Variants in KLHL1 observed in about 807,000 individuals in gnomAD.
KLHL1 encodes kelch like family member 1, also known as kelch-like protein 1.
KLHL1 carries 47 observed loss-of-function variants against 77.7 expected under a neutral mutation model. The ratio of observed to expected loss-of-function variants is 0.60; its 90% CI spans 0.48 to 0.77. KLHL1 has a LOEUF of 0.77. Ranked by LOEUF, KLHL1 falls within the 30% of genes least tolerant of loss-of-function variation. The pLI is 0.00. For synonymous variants in KLHL1, 360 were observed against 325.2 expected (o/e 1.11, Z -1.15); for missense variants, 925 against 910.8 (o/e 1.02, Z -0.20).
intron 6 of KLHL1, among the ~76,000 whole-genome samples, chr13:69,820,990 T>C (rs1878311746): frequency 6.6e-6 from 1 of 152,214 alleles, no homozygotes; most frequent in Non-Finnish European, 1.5e-5. Flanking sequence ...TGTTTCTTTC[T>C]TGCAACCACG....
chr13:69,980,892 C>A (rs866190444), intron 1 of KLHL1, among the ~76,000 whole-genome samples: 12 of 152,196 alleles, frequency 7.9e-5, no homozygotes, highest in African/African-American at 2.6e-4. Context: ...TAAATATATT[C>A]TATGACAAGA....
At chr13:69,744,757 T>G (rs964313855) in intron 7 of KLHL1, among the ~76,000 whole-genome samples, 3 of 151,930 alleles carry the variant, frequency 2.0e-5, no homozygotes, top group Non-Finnish European at 4.4e-5. Flanking sequence ...ATTTAAAAAA[T>G]TATTTAAAGT....
At position 70,108,159 on chromosome 13, in the gene KLHL1, G is replaced by T. The variant is rs1888123911; in HGVS notation, c.-460C>A. 1 of 400,738 alleles carries T rather than the reference G, an allele frequency of 2.5e-6. No homozygotes were observed. Among genetic ancestry groups the T allele is most frequent in the East Asian group, 3.6e-5 (1 of 27,988 alleles). 24.8% of individuals were successfully genotyped at this position (400,738 alleles called of 1,614,324 possible). ...TAGTAGGGAAGGTGGTGGCGTTCTT[G>T]TCCTTGCAGCTCAGAGTTCAGTGTC... On this transcript the variant is annotated 5_prime_UTR_variant, in exon 1 of 11. Coordinates refer to ENST00000377844, the MANE Select transcript of KLHL1 (RefSeq NM_020866.3).
chr13:69,781,731 CTGAT>C (rs1347805100), intron 7 of KLHL1, among the ~76,000 whole-genome samples: 1 of 152,024 alleles, frequency 6.6e-6, no homozygotes, highest in Admixed American at 6.5e-5. Flanking sequence ...CATTGTTTTT[CTGAT>C]TGATTGCTTT....
intron 4 of KLHL1, among the ~76,000 whole-genome samples, chr13:69,938,674 ATTTG>A (rs1883257196): frequency 6.6e-6 from 1 of 152,062 alleles, no homozygotes; most frequent in Non-Finnish European, 1.5e-5. Flanking sequence ...TTGATGAATT[ATTTG>A]TTTACTTTGA....
Position 70,107,275 on chromosome 13 carries a change from C to A in KLHL1, c.425G>T (p.Gly142Val). ...GMDFPGPHEK[G>V]LVLQELKVEP... is the part of the protein sequence containing the mutation. The stretch of plus-strand genomic sequence containing the variant: ...CACTTTGAGCTCTTGCAGAACCAGC[C>A]CTTTTTCGTGTGGTCCAGGAAAGTC... Residue 142 changes from glycine to valine, a missense_variant, in exon 1 of 11, where the codon GGG becomes GTG. By Grantham distance (109) the Gly-to-Val change is moderately radical. Transcript: ENST00000377844. 1 of 1,614,094 alleles carries A rather than the reference C, an allele frequency of 6.2e-7. No homozygotes were observed. Among genetic ancestry groups the A allele is most frequent in the Non-Finnish European group, 8.5e-7 (1 of 1,180,010 alleles).
At chr13:69,722,547 T>A (rs1487072787) in intron 8 of KLHL1, among the ~76,000 whole-genome samples, 2 of 151,814 alleles carry the variant, frequency 1.3e-5, no homozygotes, top group African/African-American at 4.8e-5. Context: ...GATATATGAA[T>A]AAATTCTCAA....
intron 1 of KLHL1, among the ~76,000 whole-genome samples, chr13:70,035,939 T>C (rs1346881071): frequency 6.6e-6 from 1 of 152,096 alleles, no homozygotes; most frequent in African/African-American, 2.4e-5. Context: ...AATTTTACAA[T>C]ATCATTGCTT....
intron 3 of KLHL1, 93 bp downstream of exon 3, chr13:69,961,215 A>T (rs41283976): frequency 0.12 from 138,430 of 1,192,508 alleles, 9,397 homozygotes; most frequent in African/African-American, 0.19. Flanking sequence ...AGAATACAGA[A>T]TTTTTTTTAA....
intron 4 of KLHL1, among the ~76,000 whole-genome samples, chr13:69,934,892 G>A (rs934599473): frequency 1.3e-5 from 2 of 148,594 alleles, no homozygotes; most frequent in African/African-American, 2.5e-5. Context: ...ATCTTTTCCT[G>A]ATTTATGGGA....
intron 6 of KLHL1, among the ~76,000 whole-genome samples, chr13:69,830,800 C>CA (rs1449289045): frequency 6.7e-6 from 1 of 149,938 alleles, no homozygotes; most frequent in African/African-American, 2.5e-5. Flanking sequence ...AACAAACCCT[C>CA]AAAATCATGC....
chr13:69,978,978 G>C (rs1032983923), intron 1 of KLHL1, among the ~76,000 whole-genome samples: 12 of 151,944 alleles, frequency 7.9e-5, no homozygotes, highest in African/African-American at 2.7e-4. Context: ...TGGTTTGGGG[G>C]GCTGGGGGTC....
At chr13:70,033,891 G>A (rs889318775) in intron 1 of KLHL1, among the ~76,000 whole-genome samples, 12 of 152,076 alleles carry the variant, frequency 7.9e-5, no homozygotes, top group African/African-American at 2.9e-4. Context: ...GATTACAGGC[G>A]TTAGCCACTG....
At chr13:69,925,370 C>A (rs1882781807) in intron 4 of KLHL1, among the ~76,000 whole-genome samples, 2 of 152,098 alleles carry the variant, frequency 1.3e-5, no homozygotes, top group Non-Finnish European at 2.9e-5. Flanking sequence ...ACACTTAGAA[C>A]ACAGTCTGGC....
At chr13:69,716,733 T>C (rs1872772433) in intron 9 of KLHL1, among the ~76,000 whole-genome samples, 1 of 152,178 alleles carries the variant, frequency 6.6e-6, no homozygotes, top group Non-Finnish European at 1.5e-5. Flanking sequence ...CAATTTTGTT[T>C]GGTATCTTAA....
intron 7 of KLHL1, among the ~76,000 whole-genome samples, chr13:69,751,685 T>C (rs73210474): frequency 0.014 from 2,104 of 152,250 alleles, 25 homozygotes; most frequent in Non-Finnish European, 0.022. Context: ...CAATATGATT[T>C]ATTTTATCCT....
At chr13:70,083,272 T>A (rs1251534934) in intron 1 of KLHL1, among the ~76,000 whole-genome samples, 1 of 152,160 alleles carries the variant, frequency 6.6e-6, no homozygotes, top group African/African-American at 2.4e-5. Flanking sequence ...GATGTAGGAG[T>A]AAAATAATCA....
intron 1 of KLHL1, among the ~76,000 whole-genome samples, chr13:70,090,328 A>G (rs994990260): frequency 6.6e-6 from 1 of 152,100 alleles, no homozygotes; most frequent in Non-Finnish European, 1.5e-5. Context: ...AACAGGCTTC[A>G]TAGAAGTACT....
intron 6 of KLHL1, among the ~76,000 whole-genome samples, chr13:69,830,255 G>C (rs1364431862): frequency 2.0e-5 from 3 of 150,042 alleles, no homozygotes; most frequent in Non-Finnish European, 4.4e-5. Flanking sequence ...AGTGGAAAAA[G>C]ATATTCCATG....
Sources: gnomAD v4.1 joint callset for allele counts (sites outside exome capture counted in the v4.1 genomes callset) on GRCh38, gnomAD v4.1.1 for gene constraint, MANE v1.5 for transcripts, NCBI Gene and HGNC (gene_info 2026-07-23, HGNC 2026-07-21) for gene names.